Variants in RB1CC1 observed in about 807,000 individuals in gnomAD.
The protein encoded by RB1CC1 is RB1 inducible coiled-coil 1, also known as RB1-inducible coiled-coil protein 1.
RB1CC1 carries 46 observed loss-of-function variants against 177.5 expected under a neutral mutation model. The ratio of observed to expected loss-of-function variants is 0.26; its 90% confidence interval spans 0.20 to 0.33. The LOEUF is 0.33. RB1CC1 is among the 10% of genes least tolerant of loss of function. RB1CC1 has a pLI of 1.00. For missense variants in RB1CC1, 1,703 were observed against 1,816.3 expected, an observed-to-expected ratio of 0.94 and a Z score of 1.13; for synonymous variants, 666 against 613.6, an observed-to-expected ratio of 1.09 and a Z score of -1.26.
Position 52,673,928 on chromosome 8 carries a change from A to T in RB1CC1, c.919T>A (p.Ser307Thr). 6.2e-7 allele frequency: 1 copy of T among 1,614,144 alleles called. No homozygotes were observed. The highest frequency in any genetic ancestry group is 8.5e-7 in the Non-Finnish European group (1 of 1,180,000). Residue 307 changes from serine to threonine, a missense_variant, in exon 7 of 24, where the codon TCT becomes ACT. Around this residue, in one of 6 missense-constraint regions of RB1CC1, gnomAD observed 315 missense variants for 304.9 expected, o/e 1.03. Coordinates refer to ENST00000025008, the MANE Select transcript of RB1CC1 (RefSeq NM_014781.5). ...TGAACATTTATCCAGTCTAACAAAGAGACATTAAAAAAGGGCAGATCACCA... is the reference window on the plus strand; with the variant it reads ...TGAACATTTATCCAGTCTAACAAAGTGACATTAAAAAAGGGCAGATCACCA... The part of the protein sequence containing the change: ...KDGDLPFFNV[S>T]LLDWINVQDR...
intron 16 of RB1CC1, among the ~76,000 whole-genome samples, chr8:52,644,204 A>C (rs1400569517): frequency 1.3e-5 from 2 of 152,200 alleles, no homozygotes; most frequent in Non-Finnish European, 2.9e-5. Context: ...TCCAACTCAG[A>C]AATCACCTAT....
chr8:52,681,033 A>G (rs1853667784), intron 5 of RB1CC1, among the ~76,000 whole-genome samples: 1 of 145,560 alleles, frequency 6.9e-6, no homozygotes, highest in Non-Finnish European at 1.5e-5. Context: ...ACTCTGTCAC[A>G]CAGGCTGGAG....
chr8:52,634,017 TG>T (rs1848947485), intron 20 of RB1CC1, among the ~76,000 whole-genome samples: 1 of 152,190 alleles, frequency 6.6e-6, no homozygotes, highest in Admixed American at 6.5e-5. Flanking sequence ...CTTGCTGAGC[TG>T]AGACAGGAGG....
intron 5 of RB1CC1, among the ~76,000 whole-genome samples, chr8:52,678,617 T>C (rs893475254): frequency 1.3e-5 from 2 of 152,218 alleles, no homozygotes; most frequent in African/African-American, 4.8e-5. Context: ...ATTTTCTCTA[T>C]ATATTTTGCT....
chr8:52,673,276 C>A (rs915180302), intron 7 of RB1CC1, among the ~76,000 whole-genome samples: 1 of 152,168 alleles, frequency 6.6e-6, no homozygotes, highest in African/African-American at 2.4e-5. Flanking sequence ...CATCAGTTTG[C>A]AGATCAGATA....
At chr8:52,642,220 TA>T in intron 18 of RB1CC1, 130 bp downstream of exon 18, 2 of 1,255,916 alleles carry the variant, frequency 1.6e-6, no homozygotes, top group Non-Finnish European at 2.2e-6. Flanking sequence ...TTTAAAGAAT[TA>T]AAATAGCACA....
In RB1CC1 at chr8:52,674,239, G is replaced by A. The variant is rs1216116465; in HGVS notation, c.608C>T (p.Pro203Leu). The A allele has an allele frequency of 6.2e-7, 1 of 1,611,428 alleles. No individual in the cohort carries two copies. Among genetic ancestry groups the A allele is most frequent in the Admixed American group, 1.7e-5 (1 of 60,002 alleles). Residue 203 changes from proline (P) to leucine (L), a missense_variant, in exon 7 of 24, where the codon CCA becomes CTA. By Grantham distance (98) the Pro-to-Leu change is moderately conservative (BLOSUM62 -3). Around this residue, in one of 6 missense-constraint regions of RB1CC1, gnomAD observed 315 missense variants for 304.9 expected, o/e 1.03. Transcript: ENST00000025008. ...ATGTCTGGTTAGGCACTCCAACAGT[G>A]GAATCTTGGCCATTACTGAAACTGC... ...GTAVSVMAKI[P>L]LLECLTRHSY...
In RB1CC1 at chr8:52,624,782, C is replaced by A; in HGVS notation, c.4642G>T (p.Gly1548Cys). The A allele has an allele frequency of 2.6e-6, 4 of 1,543,944 alleles. No homozygotes were observed. The highest frequency in any genetic ancestry group is 3.5e-6 in the Non-Finnish European group (4 of 1,142,104). The change falls in exon 23 of 24, where the codon GGT becomes TGT. Residue 1548 changes from glycine (G) to cysteine (C), a missense_variant. Gly to Cys is a radical substitution (Grantham distance 159). Transcript: ENST00000025008. ...LDLKPGEGAS[G>C]ASRRPWVLGK... is the part of the protein sequence containing the mutation. ...AGTACCCAGGGTCTTCTAGATGCAC[C>A]TGAAGCTAATGAAATTAAATAGTTA...
At position 52,667,161 on chromosome 8, in the gene RB1CC1, T is replaced by C. The variant is rs1377788915; in HGVS notation, c.1173+860A>G. 3.3e-5 allele frequency among the ~76,000 whole-genome samples: 5 copies of C among 152,022 alleles called. No individual in the cohort carries two copies. The East Asian group carries it at 7.7e-4, about 24-fold the overall frequency. Reference sequence around the variant, plus strand: ...ATTTTAAATGAACCAGGTAAAAATATCCTCCAGAAATCAAGGTGATTTAAG... The same window carrying C: ...ATTTTAAATGAACCAGGTAAAAATACCCTCCAGAAATCAAGGTGATTTAAG... On this transcript the variant is annotated intron_variant, in intron 8 of 23. Coordinates refer to ENST00000025008, the MANE Select transcript of RB1CC1 (RefSeq NM_014781.5).
intron 1 of RB1CC1, among the ~76,000 whole-genome samples, chr8:52,698,997 A>G (rs1043186901): frequency 3.9e-5 from 6 of 152,108 alleles, no homozygotes; most frequent in African/African-American, 1.4e-4. Context: ...GGCCTTCAAT[A>G]TGATTTTTTA....
intron 8 of RB1CC1, among the ~76,000 whole-genome samples, chr8:52,662,142 A>T (rs1265287604): frequency 6.6e-6 from 1 of 152,076 alleles, no homozygotes; most frequent in East Asian, 1.9e-4. Context: ...AAATATAAAA[A>T]TAATAAAATG....
At chr8:52,686,155 G>T (rs995920852) in intron 2 of RB1CC1, 1 of 152,206 alleles carries the variant, frequency 6.6e-6, no homozygotes, top group Non-Finnish European at 1.5e-5. Context: ...AAGTGTACAG[G>T]TCTGGAGATC....
intron 11 of RB1CC1, 49 bp from the exon 12 acceptor site, chr8:52,660,706 CA>C: frequency 6.7e-7 from 1 of 1,482,712 alleles, no homozygotes; most frequent in Non-Finnish European, 9.2e-7. Context: ...TTATTTAAGG[CA>C]AAAAATTATC....
intron 1 of RB1CC1, among the ~76,000 whole-genome samples, chr8:52,692,951 C>CATAA (rs1377721302): frequency 2.0e-5 from 3 of 152,118 alleles, no homozygotes; most frequent in African/African-American, 7.2e-5. Context: ...TCCTTGTGTC[C>CATAA]ATAAATGAAA....
intron 1 of RB1CC1, among the ~76,000 whole-genome samples, chr8:52,705,316 T>C (rs1030237308): frequency 2.6e-5 from 4 of 152,220 alleles, no homozygotes; most frequent in Non-Finnish European, 5.9e-5. Context: ...GCAATGGTAT[T>C]ATGACAAATG....
At chr8:52,663,326 AC>A (rs1333506267) in intron 8 of RB1CC1, among the ~76,000 whole-genome samples, 2 of 151,946 alleles carry the variant, frequency 1.3e-5, no homozygotes, top group African/African-American at 4.8e-5. Flanking sequence ...CTCCAGTGTT[AC>A]ACAGCTTCAT....
chr8:52,674,166 T>C lies in RB1CC1; in HGVS notation c.681A>G (p.Glu227=). 1 of 1,613,734 alleles carries C rather than the reference T, an allele frequency of 6.2e-7. No individual in the cohort carries two copies. The highest frequency in any genetic ancestry group is 8.5e-7 in the Non-Finnish European group (1 of 1,179,614). Residue 227 remains glutamate (E), a synonymous_variant, in exon 7 of 24, where the codon GAA becomes GAG. Coordinates refer to ENST00000025008, the MANE Select transcript of RB1CC1 (RefSeq NM_014781.5). ...LGRLDSLPEH[E]DSEKAEMKRS... The stretch of plus-strand genomic sequence containing the variant: ...TTTTCATCTCAGCTTTTTCTGAGTC[T>C]TCATGTTCAGGTAAAGAATCCAGTC...
intron 21 of RB1CC1, among the ~76,000 whole-genome samples, chr8:52,629,557 G>GT (rs1453008916): frequency 6.6e-6 from 1 of 152,138 alleles, no homozygotes; most frequent in Admixed American, 6.6e-5. Context: ...AAAGGCAGGG[G>GT]TTGGACTTGC....
chr8:52,708,762 G>C (rs1856810348), intron 1 of RB1CC1, among the ~76,000 whole-genome samples: 1 of 152,138 alleles, frequency 6.6e-6, no homozygotes, highest in African/African-American at 2.4e-5. Context: ...AAATGAAGGG[G>C]AGAAGAGAGC....
Sources: allele counts gnomAD v4.1 joint callset (sites outside exome capture counted in the v4.1 genomes callset), GRCh38; gene constraint gnomAD v4.1.1; regional missense constraint gnomAD v4.1.1; transcripts MANE v1.5; gene names NCBI Gene and HGNC (gene_info 2026-07-23, HGNC 2026-07-21).